BNC2: variants seen among roughly 807,000 people sequenced by gnomAD.
BNC2 encodes zinc finger protein basonuclin-2.
Under a neutral mutation model 76.3 loss-of-function variants are expected in BNC2, and 20 were observed. The ratio of observed to expected loss-of-function variants is 0.26; its 90% CI spans 0.18 to 0.38. BNC2 has a LOEUF of 0.38. BNC2 is among the 10% of genes least tolerant of loss of function. The pLI, the probability that BNC2 is intolerant of heterozygous loss-of-function variation, is 1.00. For missense variants in BNC2, 1,382 were observed against 1,399.8 expected (o/e 0.99, Z 0.20); for synonymous variants, 582 against 514.8 (o/e 1.13, Z -1.77).
intron 1 of BNC2, among the ~76,000 whole-genome samples, chr9:16,792,041 G>C (rs1250006162): frequency 1.3e-5 from 2 of 149,840 alleles, no homozygotes; most frequent in African/African-American, 2.5e-5. Flanking sequence ...GACGGAAGTT[G>C]CAAGGAGCCA....
At position 16,513,603 on chromosome 9, in the gene BNC2, C is replaced by T. The variant is rs547746710; in HGVS notation, c.669+38927G>A. On this transcript the variant is annotated intron_variant, in intron 5 of 6. Transcript: ENST00000380672. ...ACAGGCATGAGCCACCGCGCCAGGC[C>T]GAAAAGGTTCTTAATAAATAAGAAA... Among the ~76,000 whole-genome samples, 14 of 152,090 alleles carry T rather than the reference C, an allele frequency of 9.2e-5. No homozygotes were observed. The East Asian group carries it at 1.9e-3, about 21-fold the overall frequency.
chr9:16,628,389 TAA>T (rs991065872), intron 3 of BNC2, among the ~76,000 whole-genome samples: 3 of 152,174 alleles, frequency 2.0e-5, no homozygotes, highest in Non-Finnish European at 4.4e-5. Flanking sequence ...TCAAAAACCT[TAA>T]GTTTTCAGAA....
At chr9:16,863,766 T>G (rs1001905937) in intron 1 of BNC2, among the ~76,000 whole-genome samples, 1 of 152,074 alleles carries the variant, frequency 6.6e-6, no homozygotes, top group Non-Finnish European at 1.5e-5. Flanking sequence ...CAAGAAAAAT[T>G]AAAAATAACT....
intron 1 of BNC2, among the ~76,000 whole-genome samples, chr9:16,781,238 G>T (rs1826144989): frequency 1.6e-4 from 1 of 6,152 alleles, no homozygotes. Context: ...TTGCACCAAA[G>T]GTCTGAAGAT....
chr9:16,866,307 A>G (rs1819541539), intron 1 of BNC2, among the ~76,000 whole-genome samples: 1 of 152,166 alleles, frequency 6.6e-6, no homozygotes, highest in Admixed American at 6.5e-5. Context: ...AACAGGAAGC[A>G]TTTATTTTAA....
At chr9:16,797,447 C>G (rs1817685462) in intron 1 of BNC2, among the ~76,000 whole-genome samples, 1 of 152,170 alleles carries the variant, frequency 6.6e-6, no homozygotes, top group South Asian at 2.1e-4. Context: ...AACAATCATG[C>G]CAGTGAATCT....
chr9:16,706,843 T>G lies in BNC2; in HGVS notation c.330+20954A>C, dbSNP rs190037834. On this transcript the variant is annotated intron_variant, in intron 3 of 6. Coordinates refer to ENST00000380672, the MANE Select transcript of BNC2 (RefSeq NM_017637.6). The stretch of plus-strand genomic sequence containing the variant: ...CTCAGAAGCAAAGGTTACCAAAACC[T>G]ATGTGAAACACTTCCATTTCAAATT... 4.4e-4 allele frequency among the ~76,000 whole-genome samples: 67 copies of G among 152,334 alleles called. 1 individual carries two copies. The highest frequency in any genetic ancestry group is 1.4e-3 in the African/African-American group (60 of 41,594).
Position 16,738,378 on chromosome 9 carries a change from A to G in BNC2, c.111T>C (p.Val37=), listed in dbSNP as rs948567442. Reference sequence around the variant, plus strand: ...AACATACCTCAATTTGAGATGTATCAACCCCACAACATGGGACCTTGAAAT... The same window carrying G: ...AACATACCTCAATTTGAGATGTATCGACCCCACAACATGGGACCTTGAAAT... ...PAYFKVPCCG[V]DTSQIESEEA... Residue 37 remains valine, a synonymous_variant, in exon 2 of 7, where the codon GTT becomes GTC. Coordinates refer to ENST00000380672, the MANE Select transcript of BNC2 (RefSeq NM_017637.6). 6 of 1,614,120 alleles carry G rather than the reference A, an allele frequency of 3.7e-6. No individual in the cohort carries two copies. Among genetic ancestry groups the G allele is most frequent in the South Asian group, 2.2e-5 (2 of 91,078 alleles).
intron 1 of BNC2, among the ~76,000 whole-genome samples, chr9:16,803,611 T>G (rs1439996747): frequency 2.0e-5 from 3 of 152,250 alleles, no homozygotes; most frequent in Non-Finnish European, 4.4e-5. Flanking sequence ...AGTGATTTAC[T>G]TGAAAGCTGC....
rs568041146 is a variant in BNC2 at position 16,415,509 on chromosome 9, T to C, written c.*3480A>G. On this transcript the variant is annotated 3_prime_UTR_variant, in exon 7 of 7. Transcript: ENST00000380672. ...TAATTTTCAGCCAGCATAGAATGCA[T>C]GTGGCTTGAGAGAAACTGTTTAACA... The C allele has an allele frequency of 4.2e-4, 64 of 152,718 alleles. No individual in the cohort carries two copies. Among genetic ancestry groups the C allele is most frequent in the African/African-American group, 1.4e-3 (59 of 41,572 alleles). 9.5% of individuals were successfully genotyped at this position (152,718 alleles called of 1,614,324 possible).
intron 3 of BNC2, among the ~76,000 whole-genome samples, chr9:16,624,857 T>C (rs938162856): frequency 2.0e-5 from 3 of 152,328 alleles, no homozygotes; most frequent in Admixed American, 1.3e-4. Flanking sequence ...GCACACATGA[T>C]AGTTTTTCAA....
At position 16,418,134 on chromosome 9, in the gene BNC2, T is replaced by C. The variant is rs1211883850; in HGVS notation, c.*855A>G. On this transcript the variant is annotated 3_prime_UTR_variant, in exon 7 of 7. Coordinates refer to ENST00000380672, the MANE Select transcript of BNC2 (RefSeq NM_017637.6). ...ATAGTTTAAGGATAAAAAAGAAGCATGGTTATTACACATCCCCTTGTAGTG... is the reference window on the plus strand; with the variant it reads ...ATAGTTTAAGGATAAAAAAGAAGCACGGTTATTACACATCCCCTTGTAGTG... The C allele has an allele frequency of 6.6e-6, 1 of 152,614 alleles. No homozygotes were observed. The highest frequency in any genetic ancestry group is 1.5e-5 in the Non-Finnish European group (1 of 68,038). The allele number at this position is 152,614 out of a possible 1,614,324, so 9.5% of individuals were successfully genotyped here.
chr9:16,790,655 A>G (rs566394986), intron 1 of BNC2, among the ~76,000 whole-genome samples: 6 of 152,052 alleles, frequency 3.9e-5, no homozygotes, highest in Non-Finnish European at 7.4e-5. Context: ...TTCCTCTCAT[A>G]TGATTTTTTT....
At chr9:16,440,112 T>A (rs1293705394) in intron 5 of BNC2, among the ~76,000 whole-genome samples, 2 of 152,178 alleles carry the variant, frequency 1.3e-5, no homozygotes, top group African/African-American at 4.8e-5. Flanking sequence ...AAATACATTA[T>A]CTCATTTCAC....
intron 5 of BNC2, among the ~76,000 whole-genome samples, chr9:16,545,095 C>A (rs1046494424): frequency 1.3e-5 from 2 of 152,158 alleles, no homozygotes; most frequent in African/African-American, 4.8e-5. Context: ...ACTCCTGCCT[C>A]TTATTTATAT....
chr9:16,731,048 C>A (rs997627180), intron 2 of BNC2, among the ~76,000 whole-genome samples: 1 of 152,152 alleles, frequency 6.6e-6, no homozygotes, highest in Non-Finnish European at 1.5e-5. Flanking sequence ...CTGTGTAGAA[C>A]ATTTGACATT....
intron 5 of BNC2, among the ~76,000 whole-genome samples, chr9:16,531,322 C>A (rs552978930): frequency 3.2e-4 from 49 of 151,572 alleles, no homozygotes; most frequent in Middle Eastern, 3.4e-3. Flanking sequence ...TTCTCCTTCA[C>A]ATGTGCAAAA....
chr9:16,434,807 G>A (rs897502251), intron 6 of BNC2: 2 of 456,068 alleles, frequency 4.4e-6, no homozygotes, highest in Non-Finnish European at 8.8e-6. Flanking sequence ...GATCCTCAAA[G>A]TATATGCATG....
chr9:16,855,268 T>C (rs974206554), intron 1 of BNC2, among the ~76,000 whole-genome samples: 6 of 152,140 alleles, frequency 3.9e-5, no homozygotes, highest in African/African-American at 1.2e-4. Flanking sequence ...AGGAAGACCA[T>C]GGACTATGGT....
Sources: gnomAD v4.1 joint callset for allele counts (sites outside exome capture counted in the v4.1 genomes callset) on GRCh38, gnomAD v4.1.1 for gene constraint, MANE v1.5 for transcripts, NCBI Gene and HGNC (gene_info 2026-07-23, HGNC 2026-07-21) for gene names.